TBC1D30: variants seen among roughly 807,000 people sequenced by gnomAD.
TBC1D30 encodes TBC1 domain family member 30, also known as TBC1 domain family, member 30.
Under a neutral mutation model 63.2 loss-of-function variants are expected in TBC1D30, and 31 were observed. The ratio of observed to expected loss-of-function variants is 0.49; its 90% CI spans 0.37 to 0.66. TBC1D30 has a LOEUF of 0.66. Ranked by LOEUF, TBC1D30 falls within the 30% of genes least tolerant of loss-of-function variation. The pLI is 0.00. For missense variants in TBC1D30, 810 were observed against 953.6 expected, an observed-to-expected ratio of 0.85 and a Z score of 1.98; for synonymous variants, 307 against 361.5, an observed-to-expected ratio of 0.85 and a Z score of 1.71.
chr12:64,829,650 T>C (rs1397768684), intron 3 of TBC1D30, among the ~76,000 whole-genome samples: 1 of 152,240 alleles, frequency 6.6e-6, no homozygotes, highest in African/African-American at 2.4e-5. Context: ...TCTGGCTGGA[T>C]ATATAAATCA....
intron 1 of TBC1D30, 56 bp downstream of exon 1, chr12:64,825,089 C>G: frequency 6.7e-7 from 1 of 1,499,370 alleles, no homozygotes; most frequent in East Asian, 2.5e-5. Flanking sequence ...GGGCTGCCCG[C>G]GCTTCTGCCT....
intron 8 of TBC1D30, among the ~76,000 whole-genome samples, chr12:64,862,031 T>TGG (rs771465309): frequency 3.3e-5 from 5 of 152,210 alleles, no homozygotes; most frequent in Non-Finnish European, 7.3e-5. Context: ...TGTGCCTTTG[T>TGG]GGCCATCTGT....
At chr12:64,821,835 G>A (rs1027636078), upstream of TBC1D30, among the ~76,000 whole-genome samples, 2 of 152,210 alleles carry the variant, frequency 1.3e-5, no homozygotes, top group African/African-American at 2.4e-5. Context: ...GCAGCAAAAG[G>A]TTGGGAAATT....
intron 5 of TBC1D30, among the ~76,000 whole-genome samples, chr12:64,835,422 T>A (rs1875256606): frequency 1.3e-5 from 2 of 152,136 alleles, no homozygotes; most frequent in Admixed American, 1.3e-4. Context: ...AGTTTTATAG[T>A]ATCCTGAGTG....
At position 64,875,349 on chromosome 12, in the gene TBC1D30, C is replaced by T. The variant is rs546804429; in HGVS notation, c.1847C>T (p.Ala616Val). Residue 616 changes from alanine to valine, a missense_variant, in exon 12 of 12, where the codon GCG becomes GTG. Physicochemically the swap from Ala to Val is moderately conservative, Grantham distance 64. This residue lies in a region of TBC1D30 where 450 missense variants were observed against 473.0 expected (regional missense o/e 0.95). Coordinates refer to ENST00000539867, the MANE Select transcript of TBC1D30 (RefSeq NM_015279.2). ...AAEAFPSGCT[A>V]TAGREGSSPE... is the part of the protein sequence containing the mutation. ...GAGGCATTCCCCTCTGGTTGTACAG[C>T]GACAGCTGGGAGAGAAGGCAGCAGC... 521 of 1,536,210 alleles carry T rather than the reference C, an allele frequency of 3.4e-4. 2 individuals are homozygous for T. The South Asian group carries it at 5.3e-3, about 16-fold the overall frequency.
At chr12:64,823,523 G>A (rs1874020569), upstream of TBC1D30, among the ~76,000 whole-genome samples, 1 of 152,174 alleles carries the variant, frequency 6.6e-6, no homozygotes, top group Non-Finnish European at 1.5e-5. Context: ...ATGCAGGGGT[G>A]CAATCATAGC....
intron 1 of TBC1D30, chr12:64,768,721 T>C (rs1200005998): frequency 1.3e-5 from 2 of 152,236 alleles, no homozygotes; most frequent in Non-Finnish European, 2.9e-5. Flanking sequence ...CAGTGACTCT[T>C]GGCAAATGCA....
chr12:64,872,833 G>T (rs1474396191), intron 11 of TBC1D30, among the ~76,000 whole-genome samples: 1 of 152,204 alleles, frequency 6.6e-6, no homozygotes, highest in Non-Finnish European at 1.5e-5. Flanking sequence ...CAGGCAAAGA[G>T]AACTTGTGCA....
At chr12:64,770,633 G>T (rs1444778190) in intron 1 of TBC1D30, among the ~76,000 whole-genome samples, 2 of 152,052 alleles carry the variant, frequency 1.3e-5, no homozygotes, top group African/African-American at 4.8e-5. Flanking sequence ...TCCTAGCTTG[G>T]CATAATTCCA....
chr12:64,766,037 C>T (rs899880948), intron 1 of TBC1D30, among the ~76,000 whole-genome samples: 1 of 151,888 alleles, frequency 6.6e-6, no homozygotes, highest in East Asian at 1.9e-4. Flanking sequence ...CAAATAGAAT[C>T]TATAACTGAA....
chr12:64,861,504 T>C (rs185877306), intron 8 of TBC1D30, among the ~76,000 whole-genome samples: 1 of 152,344 alleles, frequency 6.6e-6, no homozygotes, highest in Admixed American at 6.5e-5. Flanking sequence ...GAAAGCATTC[T>C]CCCCTTTCAG....
upstream of TBC1D30, among the ~76,000 whole-genome samples, chr12:64,823,295 C>T (rs993653298): frequency 6.6e-6 from 1 of 151,988 alleles, no homozygotes; most frequent in African/African-American, 2.4e-5. Flanking sequence ...GTTTTATTTG[C>T]TCTGGGAATA....
chr12:64,824,659 T>C lies in TBC1D30; in HGVS notation c.-221T>C, dbSNP rs556659022. On this transcript the variant is annotated 5_prime_UTR_variant, in exon 1 of 12. Coordinates refer to ENST00000539867, the MANE Select transcript of TBC1D30 (RefSeq NM_015279.2). ...GATCTCCTGCCTCAGCCTTGCAGGC[T>C]CCGCACTGCAGATGCCTGCTGGCTT... 2.9e-4 allele frequency: 153 copies of C among 518,994 alleles called. No homozygotes were observed. The highest frequency in any genetic ancestry group is 5.7e-4 in the South Asian group (17 of 29,608). 32.1% of individuals were successfully genotyped at this position (518,994 alleles called of 1,614,324 possible).
intron 2 of TBC1D30, among the ~76,000 whole-genome samples, chr12:64,799,474 C>T (rs1487917369): frequency 6.6e-6 from 1 of 152,208 alleles, no homozygotes; most frequent in Non-Finnish European, 1.5e-5. Flanking sequence ...CATTTGCATC[C>T]TAGCCTGTGT....
In TBC1D30 at chr12:64,771,950, A is replaced by G. The variant is rs149844021; in HGVS notation, c.-376+12301A>G. Reference sequence around the variant, plus strand: ...GTCTGGGGTTGTGGCACGTGGATGAACATACAGGAATAGGCACAAAATGGC... The same window carrying G: ...GTCTGGGGTTGTGGCACGTGGATGAGCATACAGGAATAGGCACAAAATGGC... On this transcript the variant is annotated intron_variant, in intron 1 of 13. Coordinates refer to the TBC1D30 transcript ENST00000674237. 7.6e-3 allele frequency among the ~76,000 whole-genome samples: 1,155 copies of G among 152,196 alleles called. 15 individuals are homozygous for G. The highest frequency in any genetic ancestry group is 0.026 in the African/African-American group (1,074 of 41,524).
rs762076127 is a variant in TBC1D30, at chr12:64,832,241, C to A, written c.531C>A (p.Gly177=). ...RWNKTVGYCQ[G]FNILAALILE... Reference sequence around the variant, plus strand: ...ACAAAACTGTTGGGTACTGCCAAGGCTTTAACATCCTGGCTGCACTAATTC... The same window carrying A: ...ACAAAACTGTTGGGTACTGCCAAGGATTTAACATCCTGGCTGCACTAATTC... The change falls in exon 5 of 12, where the codon GGC becomes GGA. Residue 177 remains glycine (G), a synonymous_variant. Coordinates refer to ENST00000539867, the MANE Select transcript of TBC1D30 (RefSeq NM_015279.2). 1 of 1,536,004 alleles carries A rather than the reference C, an allele frequency of 6.5e-7. No homozygotes were observed. Among genetic ancestry groups the A allele is most frequent in the Admixed American group, 2.0e-5 (1 of 50,986 alleles).
At chr12:64,831,282 T>TA (rs1352999029) in intron 4 of TBC1D30, among the ~76,000 whole-genome samples, 1 of 152,210 alleles carries the variant, frequency 6.6e-6, no homozygotes, top group Non-Finnish European at 1.5e-5. Context: ...AGACAAATGC[T>TA]AAAAAAGTTA....
chr12:64,872,450 C>T (rs1033363907), intron 11 of TBC1D30, among the ~76,000 whole-genome samples: 7 of 152,158 alleles, frequency 4.6e-5, no homozygotes, highest in Admixed American at 3.9e-4. Flanking sequence ...AGTTTGCTGA[C>T]CCCTTCTTCA....
chr12:64,813,316 G>A (rs1310023774), intron 2 of TBC1D30, among the ~76,000 whole-genome samples: 1 of 152,122 alleles, frequency 6.6e-6, no homozygotes, highest in East Asian at 1.9e-4. Flanking sequence ...CTTGAACCTG[G>A]GAGGTGGAGG....
Sources: gnomAD v4.1 joint callset for allele counts (sites outside exome capture counted in the v4.1 genomes callset) on GRCh38, gnomAD v4.1.1 for gene constraint, gnomAD v4.1.1 regional missense constraint, MANE v1.5 for transcripts, NCBI Gene and HGNC (gene_info 2026-07-23, HGNC 2026-07-21) for gene names.